The following ARHGAP42 variants were observed in gnomAD, a reference collection of about 807,000 sequenced individuals.
ARHGAP42 encodes Rho GTPase activating protein 42, also known as rho GTPase-activating protein 42.
In ARHGAP42, 63 loss-of-function variants were observed where a neutral mutation model predicts 125.0. That is an observed-to-expected ratio of 0.50 (90% CI 0.41 to 0.62). ARHGAP42 has a LOEUF of 0.62. Among genes scored for constraint, ARHGAP42 ranks in the 20% least tolerant of loss-of-function variants. The pLI, the probability that ARHGAP42 is intolerant of heterozygous loss-of-function variation, is 0.00. For synonymous variants in ARHGAP42, 339 were observed against 351.0 expected (o/e 0.97, Z 0.38); for missense variants, 766 against 1,024.2 (o/e 0.75, Z 3.44).
chr11:100,834,417 A>G (rs1437861952), intron 3 of ARHGAP42, among the ~76,000 whole-genome samples: 2 of 152,154 alleles, frequency 1.3e-5, no homozygotes, highest in Non-Finnish European at 2.9e-5. Context: ...AGACTTATAG[A>G]GGTCAAGTGC....
chr11:100,888,271 G>A (rs188239608), intron 4 of ARHGAP42, among the ~76,000 whole-genome samples: 12 of 151,846 alleles, frequency 7.9e-5, no homozygotes, highest in Middle Eastern at 3.4e-3. Flanking sequence ...TTAGCTTGAC[G>A]TGTATCCCCA....
chr11:100,717,705 C>G (rs1861689661), intron 1 of ARHGAP42, among the ~76,000 whole-genome samples: 1 of 144,912 alleles, frequency 6.9e-6, no homozygotes, highest in African/African-American at 2.5e-5. Flanking sequence ...GTTGGCAGAT[C>G]AATAGAGGTC....
intron 3 of ARHGAP42, among the ~76,000 whole-genome samples, chr11:100,854,930 C>G (rs946582395): frequency 6.6e-6 from 1 of 152,078 alleles, no homozygotes; most frequent in Non-Finnish European, 1.5e-5. Context: ...GGAAAATAAC[C>G]CATTCTTTTA....
chr11:100,871,970 T>C (rs10791430), intron 4 of ARHGAP42, among the ~76,000 whole-genome samples: 76,340 of 152,144 alleles, frequency 0.5, 19,318 homozygotes, highest in East Asian at 0.53. Context: ...CTCGAACTCC[T>C]GACCTCGGGT....
chr11:100,848,680 A>G (rs950461093), intron 3 of ARHGAP42, among the ~76,000 whole-genome samples: 1 of 151,624 alleles, frequency 6.6e-6, no homozygotes, highest in African/African-American at 2.4e-5. Flanking sequence ...TTTTATTTTT[A>G]TTTTTAGTAG....
intron 3 of ARHGAP42, among the ~76,000 whole-genome samples, chr11:100,842,409 T>G (rs2135114028): frequency 6.6e-6 from 1 of 152,292 alleles, no homozygotes; most frequent in South Asian, 2.1e-4. Context: ...CTTCTCTCAT[T>G]AAACCATCCA....
chr11:100,692,270 G>T (rs867668803), intron 1 of ARHGAP42, among the ~76,000 whole-genome samples: 31 of 152,188 alleles, frequency 2.0e-4, no homozygotes, highest in Admixed American at 5.9e-4. Flanking sequence ...TATTTATTGT[G>T]ATAATTAAAT....
chr11:100,773,946 C>T (rs1025790276), intron 2 of ARHGAP42, among the ~76,000 whole-genome samples: 1 of 152,142 alleles, frequency 6.6e-6, no homozygotes, highest in Non-Finnish European at 1.5e-5. Context: ...TATTTAAACC[C>T]TTTGCACTCG....
At chr11:100,732,030 C>T (rs1861968197) in intron 1 of ARHGAP42, among the ~76,000 whole-genome samples, 1 of 151,800 alleles carries the variant, frequency 6.6e-6, no homozygotes, top group South Asian at 2.1e-4. Context: ...TCTCAGCTCA[C>T]TGAGCTCAAC....
At chr11:100,821,009 G>A (rs562317806) in intron 3 of ARHGAP42, among the ~76,000 whole-genome samples, 5 of 151,536 alleles carry the variant, frequency 3.3e-5, no homozygotes, top group South Asian at 2.1e-4. Context: ...CCAGCTGTCC[G>A]GCTGTCTGGG....
intron 3 of ARHGAP42, among the ~76,000 whole-genome samples, chr11:100,798,867 G>A (rs1400535867): frequency 6.6e-6 from 1 of 152,162 alleles, no homozygotes; most frequent in Non-Finnish European, 1.5e-5. Flanking sequence ...GCCATTTGAG[G>A]AAGGTGGGTG....
chr11:100,979,722 CTGCTAGTACAG>C (rs1280025634), intron 22 of ARHGAP42, among the ~76,000 whole-genome samples: 1 of 150,872 alleles, frequency 6.6e-6, no homozygotes, highest in Non-Finnish European at 1.5e-5. Flanking sequence ...TTACTATCAG[CTGCTAGTACAG>C]GTAGGAGACA....
intron 3 of ARHGAP42, among the ~76,000 whole-genome samples, chr11:100,810,589 GA>G (rs35931058): frequency 6.6e-6 from 1 of 151,888 alleles, no homozygotes; most frequent in Non-Finnish European, 1.5e-5. Flanking sequence ...TGCCTTGGTG[GA>G]AAAAAAACTG....
intron 1 of ARHGAP42, among the ~76,000 whole-genome samples, chr11:100,721,533 C>T (rs988976130): frequency 6.6e-6 from 1 of 150,932 alleles, no homozygotes; most frequent in African/African-American, 2.4e-5. Flanking sequence ...AGTGCAGTGT[C>T]GTGATCTTGG....
Position 100,767,571 on chromosome 11 carries a change from G to A in ARHGAP42, c.155-2772G>A, listed in dbSNP as rs534028531. Among the ~76,000 whole-genome samples the A allele has an allele frequency of 5.9e-5, 9 of 152,238 alleles. No homozygotes were observed. The South Asian group carries it at 1.9e-3, about 32-fold the overall frequency. ...AAGAACGGTCTGGGAAGAAATGGGA[G>A]GTTGTGTCATGAGTTCCCTAGGACA... On this transcript the variant is annotated intron_variant, in intron 1 of 23. Coordinates refer to ENST00000298815, the MANE Select transcript of ARHGAP42 (RefSeq NM_152432.4).
chr11:100,874,592 C>T (rs1865768635), intron 4 of ARHGAP42, among the ~76,000 whole-genome samples: 1 of 152,196 alleles, frequency 6.6e-6, no homozygotes, highest in Non-Finnish European at 1.5e-5. Context: ...CCGTATTTTC[C>T]ATGGAGTTCA....
At chr11:100,903,143 A>ACACACACC (rs1866604990) in intron 4 of ARHGAP42, among the ~76,000 whole-genome samples, 1 of 150,944 alleles carries the variant, frequency 6.6e-6, no homozygotes, top group African/African-American at 2.5e-5. Flanking sequence ...ACACACACAC[A>ACACACACC]CACACACACA....
chr11:100,930,502 A>G (rs1267969645), intron 6 of ARHGAP42, among the ~76,000 whole-genome samples: 1 of 152,198 alleles, frequency 6.6e-6, no homozygotes, highest in Non-Finnish European at 1.5e-5. Flanking sequence ...ATAGGATTGT[A>G]CATTTCCTAG....
intron 4 of ARHGAP42, among the ~76,000 whole-genome samples, chr11:100,896,547 G>A (rs543125915): frequency 6.6e-6 from 1 of 152,312 alleles, no homozygotes; most frequent in Middle Eastern, 3.4e-3. Flanking sequence ...GGTATGAGGT[G>A]ATATCTCATT....
Sources: allele counts gnomAD v4.1 joint callset (sites outside exome capture counted in the v4.1 genomes callset), GRCh38; gene constraint gnomAD v4.1.1; transcripts MANE v1.5; gene names NCBI Gene and HGNC (gene_info 2026-07-23, HGNC 2026-07-21).